Variants in MB21D2 observed in about 807,000 individuals in gnomAD.
MB21D2 encodes nucleotidyltransferase MB21D2.
Under a neutral mutation model 33.3 loss-of-function variants are expected in MB21D2, and 9 were observed. The observed-to-expected ratio is 0.27, with a 90% CI of 0.16 to 0.47. MB21D2 has a LOEUF of 0.47. Ranked by LOEUF, MB21D2 falls within the 20% of genes least tolerant of loss-of-function variation. The probability of loss-of-function intolerance (pLI) is 0.99; values close to 1 mark genes in which losing one functional copy is unlikely to be tolerated. For synonymous variants in MB21D2, 241 were observed against 236.3 expected (o/e 1.02, Z -0.18); for missense variants, 540 against 624.6 (o/e 0.86, Z 1.44).
At chr3:192,904,155 A>G (rs1714158879) in intron 1 of MB21D2, among the ~76,000 whole-genome samples, 1 of 152,194 alleles carries the variant, frequency 6.6e-6, no homozygotes, top group African/African-American at 2.4e-5. Flanking sequence ...TAGTGTGGTT[A>G]TTATTATTTT....
intron 1 of MB21D2, among the ~76,000 whole-genome samples, chr3:192,842,808 T>C (rs916174160): frequency 8.5e-5 from 13 of 152,140 alleles, no homozygotes; most frequent in African/African-American, 3.1e-4. Context: ...GTGGACACGG[T>C]CCAATTACTC....
At chr3:192,887,288 C>T (rs1713752974) in intron 1 of MB21D2, among the ~76,000 whole-genome samples, 1 of 152,076 alleles carries the variant, frequency 6.6e-6, no homozygotes, top group African/African-American at 2.4e-5. Context: ...CAGGAACACG[C>T]CACCACACCC....
At chr3:192,811,859 C>T (rs889754529) in intron 1 of MB21D2, among the ~76,000 whole-genome samples, 1 of 152,146 alleles carries the variant, frequency 6.6e-6, no homozygotes, top group African/African-American at 2.4e-5. Flanking sequence ...ACAGACCTTA[C>T]TTATACATGA....
chr3:192,814,887 G>C (rs6805351), intron 1 of MB21D2, among the ~76,000 whole-genome samples: 10,777 of 149,896 alleles, frequency 0.072, 1,306 homozygotes, highest in African/African-American at 0.25. Flanking sequence ...AAAATTCTTA[G>C]ACAAAGTCAA....
chr3:192,836,757 CA>C (rs1171296576), intron 1 of MB21D2, among the ~76,000 whole-genome samples: 2 of 152,176 alleles, frequency 1.3e-5, no homozygotes, highest in African/African-American at 4.8e-5. Flanking sequence ...GCTAATACAA[CA>C]CTGAACAGAT....
Position 192,917,792 on chromosome 3 carries a change from T to TA in MB21D2, c.48dup (p.Asn17Ter). ...AGCTCCGGGAACGCAGGCTTGTTGTTACAGCCCAGGGAGGCTGCCTTGTTG... is the reference window on the plus strand; with the variant it reads ...AGCTCCGGGAACGCAGGCTTGTTGTTAACAGCCCAGGGAGGCTGCCTTGTTG... On this transcript the variant is annotated frameshift_variant, in exon 1 of 2. Coordinates refer to ENST00000392452, the MANE Select transcript of MB21D2 (RefSeq NM_178496.4). LOFTEE classifies it high-confidence loss of function. The TA allele has an allele frequency of 6.2e-7, 1 of 1,613,390 alleles. No homozygotes were observed.
chr3:192,882,348 T>G (rs1156655944), intron 1 of MB21D2, among the ~76,000 whole-genome samples: 1 of 149,596 alleles, frequency 6.7e-6, no homozygotes, highest in Non-Finnish European at 1.5e-5. Flanking sequence ...GTGCTGGGAT[T>G]ACAGGCATGA....
chr3:192,871,589 G>A (rs1265910357), intron 1 of MB21D2, among the ~76,000 whole-genome samples: 1 of 152,188 alleles, frequency 6.6e-6, no homozygotes, highest in Non-Finnish European at 1.5e-5. Flanking sequence ...AGTCAGGGAA[G>A]AAGGTCAAAG....
At chr3:192,875,308 T>C (rs1713406476) in intron 1 of MB21D2, among the ~76,000 whole-genome samples, 1 of 152,216 alleles carries the variant, frequency 6.6e-6, no homozygotes, top group Non-Finnish European at 1.5e-5. Context: ...ACCTGGCATC[T>C]AGAAGATACT....
At chr3:192,837,615 G>A (rs1194826062) in intron 1 of MB21D2, among the ~76,000 whole-genome samples, 1 of 152,180 alleles carries the variant, frequency 6.6e-6, no homozygotes, top group Non-Finnish European at 1.5e-5. Flanking sequence ...CTCGCTCACT[G>A]GTTTCCAAAT....
At chr3:192,912,055 T>C (rs919795125) in intron 1 of MB21D2, among the ~76,000 whole-genome samples, 1 of 152,180 alleles carries the variant, frequency 6.6e-6, no homozygotes, top group Non-Finnish European at 1.5e-5. Flanking sequence ...TTACCCACTC[T>C]GGAGATGTAG....
chr3:192,893,917 T>A (rs1713909953), intron 1 of MB21D2, among the ~76,000 whole-genome samples: 2 of 152,122 alleles, frequency 1.3e-5, no homozygotes, highest in Admixed American at 1.3e-4. Context: ...GTGCCTATAG[T>A]CCCAGCTACT....
chr3:192,902,267 C>T (rs987831387), intron 1 of MB21D2, among the ~76,000 whole-genome samples: 4 of 152,182 alleles, frequency 2.6e-5, no homozygotes, highest in African/African-American at 9.7e-5. Flanking sequence ...CAGTGTGTGG[C>T]ACCACCCCAC....
chr3:192,832,722 G>A (rs993698878), intron 1 of MB21D2, among the ~76,000 whole-genome samples: 2 of 152,130 alleles, frequency 1.3e-5, no homozygotes, highest in East Asian at 1.9e-4. Context: ...CCCGGGAGGC[G>A]GAGGTTGCAG....
At chr3:192,866,331 C>A (rs1713166930) in intron 1 of MB21D2, among the ~76,000 whole-genome samples, 1 of 152,118 alleles carries the variant, frequency 6.6e-6, no homozygotes, top group Non-Finnish European at 1.5e-5. Flanking sequence ...ACATCACTGG[C>A]AAAGTCTCTT....
At chr3:192,824,741 C>T (rs1166125406) in intron 1 of MB21D2, among the ~76,000 whole-genome samples, 1 of 152,144 alleles carries the variant, frequency 6.6e-6, no homozygotes, top group African/African-American at 2.4e-5. Flanking sequence ...ATAACGTCAC[C>T]TGTTTGAGTG....
chr3:192,856,306 C>T (rs1363287364), intron 1 of MB21D2, among the ~76,000 whole-genome samples: 1 of 152,114 alleles, frequency 6.6e-6, no homozygotes, highest in African/African-American at 2.4e-5. Flanking sequence ...AATCCAGCTG[C>T]AATTCTTTTA....
chr3:192,798,927 G>C lies in MB21D2; in HGVS notation c.935C>G (p.Ala312Gly). ...CAGTTTAATGATGATGGCTTTGCAG[G>C]CCTGATAGGCCTGCATGAGGCTGCT... ...ISSSLMQAYQACKAIIIKLLS... is the reference protein window; with the variant it reads ...ISSSLMQAYQGCKAIIIKLLS... The change falls in exon 2 of 2, where the codon GCC becomes GGC. Residue 312 changes from alanine (A) to glycine (G), a missense_variant. Transcript: ENST00000392452. This position sits in a 1 kb window ranked among gnomAD's most constrained non-coding sequence, Gnocchi z 4.8. 1 of 1,613,634 alleles carries C rather than the reference G, an allele frequency of 6.2e-7. No homozygotes were observed. Among genetic ancestry groups the C allele is most frequent in the Non-Finnish European group, 8.5e-7 (1 of 1,179,834 alleles).
intron 1 of MB21D2, among the ~76,000 whole-genome samples, chr3:192,833,659 G>A (rs574136240): frequency 6.6e-6 from 1 of 152,310 alleles, no homozygotes; most frequent in East Asian, 1.9e-4. Flanking sequence ...CGTGGGGCAA[G>A]GGTTTCCATA....
Sources: gnomAD v4.1 joint callset for allele counts (sites outside exome capture counted in the v4.1 genomes callset) on GRCh38, gnomAD v4.1.1 for gene constraint, Gnocchi (gnomAD v3.1) non-coding constraint, MANE v1.5 for transcripts, NCBI Gene and HGNC (gene_info 2026-07-23, HGNC 2026-07-21) for gene names.